TRAPPC9: variants seen among roughly 807,000 people sequenced by gnomAD.
TRAPPC9 encodes trafficking protein particle complex subunit 9, also known as IKK2 binding protein.
TRAPPC9 carries 83 observed loss-of-function variants against 124.0 expected under a neutral mutation model. The ratio of observed to expected loss-of-function variants is 0.67; its 90% CI spans 0.56 to 0.80. TRAPPC9 has a LOEUF of 0.80. Among genes scored for constraint, TRAPPC9 ranks in the 30% least tolerant of loss-of-function variants. The pLI, the probability that TRAPPC9 is intolerant of heterozygous loss-of-function variation, is 0.00. For synonymous variants in TRAPPC9, 638 were observed against 617.5 expected (o/e 1.03, Z -0.49); for missense variants, 1,302 against 1,508.3 (o/e 0.86, Z 2.27).
intron 16 of TRAPPC9, among the ~76,000 whole-genome samples, chr8:140,251,763 C>A (rs1297000291): frequency 9.9e-5 from 15 of 152,180 alleles, no homozygotes; most frequent in Admixed American, 9.8e-4. Context: ...GGGTGGACAC[C>A]AGAGCTCCCT....
chr8:140,024,585 T>C (rs192136556), intron 17 of TRAPPC9, among the ~76,000 whole-genome samples: 15 of 152,068 alleles, frequency 9.9e-5, no homozygotes, highest in Non-Finnish European at 1.6e-4. Flanking sequence ...TTAGTAGATA[T>C]GGGATTTCAC....
intron 21 of TRAPPC9, among the ~76,000 whole-genome samples, chr8:139,753,066 ACCCATCTAT>A (rs1819453876): frequency 8.1e-6 from 1 of 123,138 alleles, no homozygotes. Context: ...CCACCCACCC[ACCCATCTAT>A]CCATCCATCC....
At chr8:139,914,159 G>A (rs970041859) in intron 19 of TRAPPC9, 3 of 152,338 alleles carry the variant, frequency 2.0e-5, no homozygotes, top group African/African-American at 7.2e-5. Flanking sequence ...GAGGCCATCA[G>A]GTTTGAGGCT....
chr8:139,805,103 T>C (rs1381994204), intron 21 of TRAPPC9, among the ~76,000 whole-genome samples: 2 of 152,050 alleles, frequency 1.3e-5, no homozygotes, highest in African/African-American at 2.4e-5. Context: ...ATGCATCCCA[T>C]TGGGGTTGCA....
chr8:140,034,879 C>A (rs1840775488), intron 17 of TRAPPC9, among the ~76,000 whole-genome samples: 1 of 152,204 alleles, frequency 6.6e-6, no homozygotes, highest in Non-Finnish European at 1.5e-5. Context: ...CAGAGAAAGG[C>A]TAAGGAGACA....
chr8:140,002,034 A>G (rs1391142727), intron 18 of TRAPPC9, among the ~76,000 whole-genome samples: 1 of 152,236 alleles, frequency 6.6e-6, no homozygotes, highest in African/African-American at 2.4e-5. Context: ...CATTTCAAAA[A>G]GAAATAATTC....
chr8:140,006,605 T>C (rs1291267672), intron 18 of TRAPPC9, among the ~76,000 whole-genome samples: 2 of 152,174 alleles, frequency 1.3e-5, no homozygotes, highest in Admixed American at 6.5e-5. Flanking sequence ...AACCCAAATG[T>C]CCATCAACTA....
At chr8:139,821,479 T>C (rs764903834) in intron 21 of TRAPPC9, among the ~76,000 whole-genome samples, 1 of 152,114 alleles carries the variant, frequency 6.6e-6, no homozygotes, top group Non-Finnish European at 1.5e-5. Flanking sequence ...CCCGCTTCTG[T>C]AAAACAAACC....
At chr8:140,231,202 G>A (rs1354928913) in intron 16 of TRAPPC9, among the ~76,000 whole-genome samples, 8 of 152,156 alleles carry the variant, frequency 5.3e-5, no homozygotes, top group African/African-American at 1.9e-4. Context: ...GGTGCTGCCC[G>A]GCACATGGGA....
chr8:139,792,387 C>G (rs1822754534), intron 21 of TRAPPC9, among the ~76,000 whole-genome samples: 1 of 152,220 alleles, frequency 6.6e-6, no homozygotes, highest in Non-Finnish European at 1.5e-5. Context: ...GGCCAAAGAG[C>G]AGTCTGTGTG....
chr8:139,839,123 G>C lies in TRAPPC9; in HGVS notation c.3055+46756C>G, dbSNP rs1468643347. On this transcript the variant is annotated intron_variant, in intron 21 of 22. Transcript: ENST00000438773. ...CATCTTTGGCCAGATAACCCTCCCAGGTCTGACTGCTGGGCCTAGCACTGT... is the reference window on the plus strand; with the variant it reads ...CATCTTTGGCCAGATAACCCTCCCACGTCTGACTGCTGGGCCTAGCACTGT... 3.9e-5 allele frequency among the ~76,000 whole-genome samples: 6 copies of C among 152,248 alleles called. No individual in the cohort carries two copies. The East Asian group carries it at 1.2e-3, about 29-fold the overall frequency.
chr8:140,060,750 A>G (rs2132137635), intron 17 of TRAPPC9, among the ~76,000 whole-genome samples: 1 of 152,098 alleles, frequency 6.6e-6, no homozygotes, highest in Non-Finnish European at 1.5e-5. Flanking sequence ...ATTTTTGTCT[A>G]TTATCTGACG....
intron 21 of TRAPPC9, among the ~76,000 whole-genome samples, chr8:139,744,631 A>T (rs1818772134): frequency 6.6e-6 from 1 of 152,202 alleles, no homozygotes; most frequent in Admixed American, 6.5e-5. Flanking sequence ...CACGCACTTC[A>T]TGAAGCTGGA....
chr8:139,990,320 C>G (rs191220850), intron 18 of TRAPPC9, among the ~76,000 whole-genome samples: 1 of 152,074 alleles, frequency 6.6e-6, no homozygotes. Context: ...ATGCAGAGCT[C>G]GAAACCCTCG....
intron 16 of TRAPPC9, among the ~76,000 whole-genome samples, chr8:140,248,440 G>T (rs1479643964): frequency 6.6e-6 from 1 of 152,252 alleles, no homozygotes. Context: ...GCTGTGTGGG[G>T]ATTCCTGGGT....
chr8:140,192,614 A>G (rs2062522751), intron 17 of TRAPPC9, among the ~76,000 whole-genome samples: 1 of 152,228 alleles, frequency 6.6e-6, no homozygotes, highest in Non-Finnish European at 1.5e-5. Flanking sequence ...TACCTGCAAA[A>G]CCTGCTCCGA....
chr8:139,732,346 GA>G, intron 21 of TRAPPC9, 144 bp from the exon 22 acceptor site: 2 of 759,776 alleles, frequency 2.6e-6, no homozygotes, highest in Non-Finnish European at 2.1e-6. Context: ...GGACACTGGG[GA>G]CACAGATGTG....
intron 19 of TRAPPC9, among the ~76,000 whole-genome samples, chr8:139,926,845 A>G (rs1043228776): frequency 6.6e-6 from 1 of 152,226 alleles, no homozygotes; most frequent in African/African-American, 2.4e-5. Context: ...ACTAAACTGC[A>G]TCAAATGTAA....
intron 10 of TRAPPC9, among the ~76,000 whole-genome samples, chr8:140,305,418 G>A (rs149587159): frequency 7.2e-4 from 109 of 151,884 alleles, no homozygotes; most frequent in African/African-American, 2.4e-3. Context: ...CTGGTGCCTC[G>A]GCCACCCAAG....
Sources: allele counts gnomAD v4.1 joint callset (sites outside exome capture counted in the v4.1 genomes callset), GRCh38; gene constraint gnomAD v4.1.1; transcripts MANE v1.5; gene names NCBI Gene and HGNC (gene_info 2026-07-23, HGNC 2026-07-21).